FGF7: variants seen among roughly 807,000 people sequenced by gnomAD.
The protein encoded by FGF7 is FGF-7.
In FGF7, 6 loss-of-function variants were observed where a neutral mutation model predicts 20.5. That is an observed-to-expected ratio of 0.29 (90% CI 0.16 to 0.58). The LOEUF (loss-of-function observed/expected upper bound fraction) is 0.58, where lower values mean the gene tolerates loss of function less well. FGF7 is among the 20% of genes least tolerant of loss of function. The pLI is 0.90. For missense variants in FGF7, 144 were observed against 228.8 expected (o/e 0.63, Z 2.39); for synonymous variants, 64 against 74.7 (o/e 0.86, Z 0.74).
At position 49,488,065 on chromosome 15, in the gene FGF7, A is replaced by C. The variant is rs2056553171; in HGVS notation, c.*3561A>C. Reference sequence around the variant, plus strand: ...TATTTAACAGTCAGTATGGGTGATTACTGGCCAATCAGAATACATCACTGA... The same window carrying C: ...TATTTAACAGTCAGTATGGGTGATTCCTGGCCAATCAGAATACATCACTGA... On this transcript the variant is annotated 3_prime_UTR_variant, in exon 4 of 4. Coordinates refer to ENST00000267843, the MANE Select transcript of FGF7 (RefSeq NM_002009.4). The C allele has an allele frequency of 6.6e-6, 1 of 152,010 alleles. No homozygotes were observed. The highest frequency in any genetic ancestry group is 2.4e-5 in the African/African-American group (1 of 41,430). The allele number at this position is 152,010 out of a possible 1,614,324, so 9.4% of individuals were successfully genotyped here.
chr15:49,472,864 A>T (rs1274390539), intron 2 of FGF7, among the ~76,000 whole-genome samples: 4 of 152,306 alleles, frequency 2.6e-5, no homozygotes, highest in Admixed American at 2.0e-4. Flanking sequence ...ACATTTCCCA[A>T]ATTTGCTAAT....
intron 2 of FGF7, among the ~76,000 whole-genome samples, chr15:49,470,835 A>G (rs1286248307): frequency 6.6e-6 from 1 of 152,248 alleles, no homozygotes; most frequent in Non-Finnish European, 1.5e-5. Context: ...GTAGAAATGC[A>G]GTGACAAGGG....
Position 49,452,732 on chromosome 15 carries a change from C to A in FGF7, c.286+28149C>A, listed in dbSNP as rs560415011. ...GAATCTTGGTTTCTTTATTGGGTGA[C>A]TGAGATAGTATCTAATCTATGTGCT... On this transcript the variant is annotated intron_variant, in intron 2 of 3. Coordinates refer to ENST00000267843, the MANE Select transcript of FGF7 (RefSeq NM_002009.4). Among the ~76,000 whole-genome samples, 11 of 152,110 alleles carry A rather than the reference C, an allele frequency of 7.2e-5. No individual in the cohort carries two copies. In the South Asian group the frequency reaches 2.3e-3, roughly 32 times the overall value.
intron 2 of FGF7, among the ~76,000 whole-genome samples, chr15:49,476,258 T>C (rs1346751297): frequency 7.0e-6 from 1 of 141,880 alleles, no homozygotes; most frequent in Non-Finnish European, 1.6e-5. Context: ...ATTTGGCATA[T>C]ACTGCCAGGT....
chr15:49,480,969 A>G (rs2055890924), intron 2 of FGF7, among the ~76,000 whole-genome samples: 1 of 152,242 alleles, frequency 6.6e-6, no homozygotes, highest in African/African-American at 2.4e-5. Flanking sequence ...TGTTCTGTAA[A>G]AGAAAAGCCA....
chr15:49,424,865 A>G, intron 2 of FGF7: 1 of 215,250 alleles, frequency 4.6e-6, no homozygotes, highest in East Asian at 9.5e-5. Flanking sequence ...AATGTAAATA[A>G]TATTATTCAC....
chr15:49,460,828 G>C (rs2053723939), intron 2 of FGF7, among the ~76,000 whole-genome samples: 1 of 152,132 alleles, frequency 6.6e-6, no homozygotes, highest in Admixed American at 6.5e-5. Context: ...GTGTGAGGCA[G>C]ATATCAAAGA....
intron 2 of FGF7, among the ~76,000 whole-genome samples, chr15:49,463,192 A>C (rs1438177755): frequency 1.3e-5 from 2 of 152,132 alleles, no homozygotes; most frequent in East Asian, 3.8e-4. Flanking sequence ...TTGCCAATTT[A>C]TCTCCCACAC....
chr15:49,437,848 A>ATACTG (rs2051252859), intron 2 of FGF7, among the ~76,000 whole-genome samples: 2 of 151,780 alleles, frequency 1.3e-5, no homozygotes, highest in African/African-American at 4.8e-5. Flanking sequence ...AAGTACTGTG[A>ATACTG]AAAAGGTATG....
At chr15:49,479,479 A>G (rs2055683079) in intron 2 of FGF7, among the ~76,000 whole-genome samples, 1 of 152,150 alleles carries the variant, frequency 6.6e-6, no homozygotes, top group African/African-American at 2.4e-5. Flanking sequence ...AAGACCAAGT[A>G]TAATTAACTT....
Position 49,424,546 on chromosome 15 carries a change from CAAAGTAA to C in FGF7, c.252_258del (p.Val85GlyfsTer5). 6.2e-7 allele frequency: 1 copy of C among 1,603,920 alleles called. No individual in the cohort carries two copies. The highest frequency in any genetic ancestry group is 8.5e-7 in the Non-Finnish European group (1 of 1,173,666). ...GGTACCTGAGGATCGATAAAAGAGG[CAAAGTAA>C]AAGGGACCCAAGAGATGAAGAATAA... On this transcript the variant is annotated frameshift_variant, in exon 2 of 4. Coordinates refer to ENST00000267843, the MANE Select transcript of FGF7 (RefSeq NM_002009.4). LOFTEE classifies it high-confidence loss of function.
chr15:49,451,308 A>G (rs1807233128), intron 2 of FGF7, among the ~76,000 whole-genome samples: 1 of 152,066 alleles, frequency 6.6e-6, no homozygotes, highest in South Asian at 2.1e-4. Flanking sequence ...AAGAAATTAT[A>G]AAAACTAAAA....
chr15:49,462,060 AG>A (rs2053845154), intron 2 of FGF7, among the ~76,000 whole-genome samples: 1 of 152,130 alleles, frequency 6.6e-6, no homozygotes, highest in African/African-American at 2.4e-5. Context: ...TGGCGGTTGC[AG>A]TGAGCTGAGA....
chr15:49,463,077 G>T (rs2053946279), intron 2 of FGF7, among the ~76,000 whole-genome samples: 1 of 152,144 alleles, frequency 6.6e-6, no homozygotes, highest in Non-Finnish European at 1.5e-5. Context: ...CCTGTTTGAA[G>T]AAACAAGTTC....
chr15:49,437,762 C>CAA (rs1022356712), intron 2 of FGF7, among the ~76,000 whole-genome samples: 20 of 151,582 alleles, frequency 1.3e-4, no homozygotes, highest in African/African-American at 4.8e-4. Flanking sequence ...ATACACAATG[C>CAA]AAGCACCCAC....
chr15:49,458,785 T>A (rs2053541536), intron 2 of FGF7, among the ~76,000 whole-genome samples: 1 of 152,172 alleles, frequency 6.6e-6, no homozygotes. Context: ...AAATTTATTC[T>A]ATAAATTCAA....
rs373498840 is a variant in FGF7, at chr15:49,424,381, A to G, written c.84A>G (p.Ile28Met). Residue 28 changes from isoleucine to methionine, a missense_variant, in exon 2 of 4, where the codon ATA (isoleucine) becomes ATG (methionine). Ile to Met is a conservative substitution (Grantham distance 10). Around this residue, in one of 2 missense-constraint regions of FGF7, gnomAD observed 88 missense variants for 103.4 expected, o/e 0.85. Coordinates refer to ENST00000267843, the MANE Select transcript of FGF7 (RefSeq NM_002009.4). ...ACATTATCTGTCTAGTGGGTACTAT[A>G]TCTTTAGCTTGCAATGACATGACTC... ...CFHIICLVGT[I>M]SLACNDMTPE... The G allele has an allele frequency of 6.2e-7, 1 of 1,613,676 alleles. No individual in the cohort carries two copies. Among genetic ancestry groups the G allele is most frequent in the East Asian group, 2.2e-5 (1 of 44,846 alleles).
chr15:49,455,277 TA>T (rs2053176083), intron 2 of FGF7, among the ~76,000 whole-genome samples: 1 of 152,190 alleles, frequency 6.6e-6, no homozygotes, highest in African/African-American at 2.4e-5. Context: ...ATGGTATCCC[TA>T]ATGTATAGCG....
At chr15:49,479,988 A>G (rs1199421272) in intron 2 of FGF7, among the ~76,000 whole-genome samples, 1 of 152,184 alleles carries the variant, frequency 6.6e-6, no homozygotes, top group Admixed American at 6.5e-5. Context: ...TGAACAAAAG[A>G]GTGATAATGT....
Sources: gnomAD v4.1 joint callset for allele counts (sites outside exome capture counted in the v4.1 genomes callset) on GRCh38, gnomAD v4.1.1 for gene constraint, gnomAD v4.1.1 regional missense constraint, MANE v1.5 for transcripts, NCBI Gene and HGNC (gene_info 2026-07-23, HGNC 2026-07-21) for gene names.